Variants in DNAH17 observed in about 807,000 individuals in gnomAD.
DNAH17 encodes axonemal beta dynein heavy chain 17.
In DNAH17, 376 loss-of-function variants were observed where a neutral mutation model predicts 485.6. The observed-to-expected ratio is 0.77, with a 90% CI of 0.71 to 0.84. DNAH17 has a LOEUF of 0.84. Among genes scored for constraint, DNAH17 ranks in the 40% least tolerant of loss-of-function variants. DNAH17 has a pLI of 0.00. For synonymous variants in DNAH17, 3,031 were observed against 2,405.9 expected, an observed-to-expected ratio of 1.26 and a Z score of -7.60; for missense variants, 6,370 against 5,839.3, an observed-to-expected ratio of 1.09 and a Z score of -2.96.
chr17:78,570,154 G>T (rs2143720169), intron 7 of DNAH17, 93 bp downstream of exon 7: 3 of 1,403,672 alleles, frequency 2.1e-6, no homozygotes, highest in Non-Finnish European at 2.9e-6. Context: ...CTTTCAAACT[G>T]CTGGGGAACA....
At chr17:78,462,244 A>C (rs1259553072) in intron 57 of DNAH17, among the ~76,000 whole-genome samples, 1 of 28,046 alleles carries the variant, frequency 3.6e-5, no homozygotes, top group East Asian at 1.1e-3. Context: ...AGTGACAGCG[A>C]GAGTTTGGTA....
chr17:78,446,610 G>A (rs1011483508), intron 69 of DNAH17, among the ~76,000 whole-genome samples: 2 of 150,260 alleles, frequency 1.3e-5, no homozygotes, highest in Admixed American at 6.6e-5. Context: ...GAATTGATTA[G>A]CTTTGCTGAT....
At position 78,453,348 on chromosome 17, in the gene DNAH17, CT is replaced by C; in HGVS notation, c.10523del (p.Lys3508ArgfsTer20). ...CGGAGGCGGAAACAACTCACTTTCC[CT>C]TTTTAATCGTGTTCCTGCCCAGTAG... ...DPLLGRNTIK[K>X]GKYIKIGDKE... On this transcript the variant is annotated frameshift_variant, in exon 65 of 81. Transcript: ENST00000389840. LOFTEE classifies it high-confidence loss of function. 6.2e-7 allele frequency: 1 copy of C among 1,613,264 alleles called. No individual in the cohort carries two copies. Among genetic ancestry groups the C allele is most frequent in the Non-Finnish European group, 8.5e-7 (1 of 1,179,548 alleles).
At chr17:78,452,179 G>A (rs191069517) in intron 65 of DNAH17, among the ~76,000 whole-genome samples, 19 of 150,730 alleles carry the variant, frequency 1.3e-4, no homozygotes, top group African/African-American at 4.7e-4. Context: ...CCAGAGTCTA[G>A]GACCTCTGCA....
chr17:78,425,309 C>G (rs1277344354), intron 80 of DNAH17, 37 bp downstream of exon 80: 1 of 1,595,068 alleles, frequency 6.3e-7, no homozygotes, highest in Non-Finnish European at 8.6e-7. Context: ...AGCACTGGCT[C>G]TGGAAGCTTC....
Position 78,507,714 on chromosome 17 carries a change from T to C in DNAH17, c.4328A>G (p.Glu1443Gly). ...GTCCTCCAGCGTCTCCACCAGCACCTCGCTGGACTTGAGCATCATGGTGCC... is the reference window on the plus strand; with the variant it reads ...GTCCTCCAGCGTCTCCACCAGCACCCCGCTGGACTTGAGCATCATGGTGCC... ...RTGTMMLKSS[E>G]VLVETLEDNQ... Residue 1443 changes from glutamate to glycine, a missense_variant, in exon 28 of 81, where the codon GAG becomes GGG. Transcript: ENST00000389840. 6.2e-7 allele frequency: 1 copy of C among 1,607,502 alleles called. No individual in the cohort carries two copies.
At chr17:78,437,497 G>A (rs1029506280) in intron 74 of DNAH17, 144 bp downstream of exon 74, 4 of 571,170 alleles carry the variant, frequency 7.0e-6, no homozygotes, top group Admixed American at 6.5e-5. Flanking sequence ...GATTTTGACT[G>A]CGAGGGGTGT....
chr17:78,570,970 A>G lies in DNAH17; in HGVS notation c.896T>C (p.Met299Thr). The G allele has an allele frequency of 6.3e-7, 1 of 1,587,842 alleles. No homozygotes were observed. Among genetic ancestry groups the G allele is most frequent in the Non-Finnish European group, 8.6e-7 (1 of 1,167,380 alleles). Residue 299 changes from methionine (M) to threonine (T), a missense_variant, in exon 6 of 81, where the codon ATG becomes ACG. Physicochemically the swap from Met to Thr is moderately conservative, Grantham distance 81 (BLOSUM62 -1). Coordinates refer to ENST00000389840, the MANE Select transcript of DNAH17 (RefSeq NM_173628.4). Reference protein sequence around the residue: ...LKPLRILLEEMEQADFTMLPT... With the variant: ...LKPLRILLEETEQADFTMLPT... ...CACCATCGTGAAGTCGGCTTGTTCCATCTCCTCCAGCAGGATCCGTAGGGG... is the reference window on the plus strand; with the variant it reads ...CACCATCGTGAAGTCGGCTTGTTCCGTCTCCTCCAGCAGGATCCGTAGGGG...
rs1656006511 is a variant in DNAH17 at position 78,505,432 on chromosome 17, AG to A, written c.4816del (p.Leu1606CysfsTer11). The A allele has an allele frequency of 6.2e-7, 1 of 1,613,882 alleles. No individual in the cohort carries two copies. Among genetic ancestry groups the A allele is most frequent in the African/African-American group, 1.3e-5 (1 of 74,930 alleles). On this transcript the variant is annotated frameshift_variant, in exon 31 of 81. Coordinates refer to ENST00000389840, the MANE Select transcript of DNAH17 (RefSeq NM_173628.4). LOFTEE classifies it high-confidence loss of function. ...ACACAGGCTATCGAAGAGTTTGGACAGGTGGCGGCTCACCTGGGAGGAGGCA... is the reference window on the plus strand; with the variant it reads ...ACACAGGCTATCGAAGAGTTTGGACAGTGGCGGCTCACCTGGGAGGAGGCA... ...GNDPVEVSRH[L>X]SKLFDSLCKL...
rs997167440 is a variant in DNAH17 at position 78,507,808 on chromosome 17, T to G, written c.4237-3A>C. The G allele has an allele frequency of 9.0e-6, 14 of 1,548,434 alleles. No individual in the cohort carries two copies. Among genetic ancestry groups the G allele is most frequent in the African/African-American group, 1.4e-5 (1 of 73,726 alleles). ...GTACTGTCCAGGGCTTTCAGCACCT[T>G]TTGGGGGAACAGAAAAATAAGGTCA... is the stretch of plus-strand genomic sequence containing the variant. On this transcript the variant is annotated splice_polypyrimidine_tract_variant and splice_region_variant and intron_variant, in intron 27 of 80. Coordinates refer to ENST00000389840, the MANE Select transcript of DNAH17 (RefSeq NM_173628.4).
intron 33 of DNAH17, chr17:78,502,074 T>C: frequency 1.5e-6 from 1 of 647,558 alleles, no homozygotes; most frequent in East Asian, 2.9e-5. Context: ...TGGCAGTGGC[T>C]AGCATGGACG....
chr17:78,572,775 C>T lies in DNAH17; in HGVS notation c.465G>A (p.Lys155=). Residue 155 remains lysine (K), a synonymous_variant, in exon 3 of 81, where the codon AAG becomes AAA. Coordinates refer to ENST00000389840, the MANE Select transcript of DNAH17 (RefSeq NM_173628.4). ...TAGGCAGCAAGGTTTTGCCTTTGATCTTGCCACTCATCACAAACATTTCAT... is the reference window on the plus strand; with the variant it reads ...TAGGCAGCAAGGTTTTGCCTTTGATTTTGCCACTCATCACAAACATTTCAT... The part of the protein sequence containing the change: ...LKNEMFVMSG[K]IKGKTLLPIP... 1 of 1,613,690 alleles carries T rather than the reference C, an allele frequency of 6.2e-7. No homozygotes were observed. Among genetic ancestry groups the T allele is most frequent in the Non-Finnish European group, 8.5e-7 (1 of 1,179,788 alleles).
intron 11 of DNAH17, among the ~76,000 whole-genome samples, chr17:78,565,603 G>A (rs2092250891): frequency 6.6e-6 from 1 of 152,308 alleles, no homozygotes; most frequent in South Asian, 2.1e-4. Context: ...GGCCCTGGAA[G>A]CAGTCAAGCC....
intron 11 of DNAH17, among the ~76,000 whole-genome samples, chr17:78,562,291 A>C (rs955070098): frequency 3.3e-5 from 5 of 152,126 alleles, no homozygotes; most frequent in Non-Finnish European, 7.4e-5. Context: ...GACTTAAACA[A>C]TTAAAAAATA....
intron 80 of DNAH17, 104 bp downstream of exon 80, chr17:78,425,242 A>G (rs1598428474): frequency 8.4e-7 from 1 of 1,184,462 alleles, no homozygotes; most frequent in South Asian, 1.4e-5. Context: ...GCCTGTCCCC[A>G]CAGCTCTTGA....
Position 78,491,585 on chromosome 17 carries a change from T to C in DNAH17, c.6542-15A>G, listed in dbSNP as rs2089859912. 1.2e-6 allele frequency: 2 copies of C among 1,612,768 alleles called. No homozygotes were observed. The highest frequency in any genetic ancestry group is 1.7e-6 in the Non-Finnish European group (2 of 1,179,566). On this transcript the variant is annotated splice_polypyrimidine_tract_variant and intron_variant, in intron 42 of 80. Coordinates refer to ENST00000389840, the MANE Select transcript of DNAH17 (RefSeq NM_173628.4). ...GGAGAACAGGCCTGGGGGAGGCGCG[T>C]GGTATGACCCCGGGCCCTTCACTCC...
intron 1 of DNAH17, among the ~76,000 whole-genome samples, chr17:78,575,544 A>G (rs1214082942): frequency 6.6e-6 from 1 of 152,308 alleles, no homozygotes; most frequent in East Asian, 1.9e-4. Flanking sequence ...AGCAGACCCC[A>G]CGTGCAGGCC....
chr17:78,559,629 A>G (rs558155179), intron 13 of DNAH17, among the ~76,000 whole-genome samples: 1 of 152,220 alleles, frequency 6.6e-6, no homozygotes, highest in East Asian at 1.9e-4. Context: ...GCTCCGTTCA[A>G]TCTACGCACC....
intron 74 of DNAH17, among the ~76,000 whole-genome samples, chr17:78,436,925 C>A (rs2086868064): frequency 1.3e-5 from 2 of 152,242 alleles, no homozygotes; most frequent in African/African-American, 2.4e-5. Context: ...CTGGGGGAAG[C>A]CTTGAGGTCT....
Sources: allele counts gnomAD v4.1 joint callset (sites outside exome capture counted in the v4.1 genomes callset), GRCh38; gene constraint gnomAD v4.1.1; transcripts MANE v1.5; gene names NCBI Gene and HGNC (gene_info 2026-07-23, HGNC 2026-07-21).